CBFA2T3: variants seen among roughly 807,000 people sequenced by gnomAD.
CBFA2T3 encodes the protein CBFA2/RUNX1 partner transcriptional co-repressor 3.
In CBFA2T3, 31 loss-of-function variants were observed where a neutral mutation model predicts 58.6. That is an observed-to-expected ratio of 0.53 (90% confidence interval 0.40 to 0.71). The LOEUF (loss-of-function observed/expected upper bound fraction) is 0.71. Among genes scored for constraint, CBFA2T3 ranks in the 30% least tolerant of loss-of-function variants. The pLI, the probability that CBFA2T3 is intolerant of heterozygous loss-of-function variation, is 0.00. For synonymous variants in CBFA2T3, 531 were observed against 421.9 expected (o/e 1.26, Z -3.17); for missense variants, 1,076 against 963.1 (o/e 1.12, Z -1.55).
At chr16:88,913,998 C>T (rs552335046) in intron 1 of CBFA2T3, among the ~76,000 whole-genome samples, 1 of 152,286 alleles carries the variant, frequency 6.6e-6, no homozygotes, top group East Asian at 1.9e-4. Context: ...CACAGCTGCA[C>T]CGGCCACTTC....
At chr16:88,951,694 A>G (rs920832474) in intron 1 of CBFA2T3, among the ~76,000 whole-genome samples, 3 of 152,028 alleles carry the variant, frequency 2.0e-5, no homozygotes, top group South Asian at 2.1e-4. Flanking sequence ...CGATTGGTCC[A>G]GGAGGAGGGC....
At chr16:88,899,201 G>A (rs1172113552) in intron 2 of CBFA2T3, among the ~76,000 whole-genome samples, 2 of 152,066 alleles carry the variant, frequency 1.3e-5, no homozygotes, top group African/African-American at 2.4e-5. Context: ...TGGCTCAGAG[G>A]CCAGTCCCCG....
chr16:88,944,476 C>G, intron 1 of CBFA2T3, among the ~76,000 whole-genome samples: 1 of 152,284 alleles, frequency 6.6e-6, no homozygotes, highest in African/African-American at 2.4e-5. Flanking sequence ...GTGCCTGGCT[C>G]TAGGGCCCGC....
In CBFA2T3 at chr16:88,903,100, C is replaced by T. The variant is rs528346908; in HGVS notation, c.152-1444G>A. ...GGCGCTGCCCCTGCTTCTGCCCGTT[C>T]CCCATTCCCGGGGCCCCAGCACCAT... is the stretch of plus-strand genomic sequence containing the variant. On this transcript the variant is annotated intron_variant, in intron 1 of 11. Transcript: ENST00000268679. Among the ~76,000 whole-genome samples, 43 of 152,320 alleles carry T rather than the reference C, an allele frequency of 2.8e-4. No homozygotes were observed. In the South Asian group the frequency reaches 7.2e-3, roughly 26 times the overall value.
chr16:88,908,559 C>T (rs191136225), intron 1 of CBFA2T3, among the ~76,000 whole-genome samples: 1 of 152,274 alleles, frequency 6.6e-6, no homozygotes, highest in East Asian at 1.9e-4. Context: ...CTTCCCCGTC[C>T]GTGGGGGCAC....
intron 1 of CBFA2T3, among the ~76,000 whole-genome samples, chr16:88,952,434 A>G (rs1488448513): frequency 6.6e-6 from 1 of 151,278 alleles, no homozygotes; most frequent in Non-Finnish European, 1.5e-5. Flanking sequence ...GGCTTTCAGC[A>G]GGACAAATGC....
In CBFA2T3 at chr16:88,885,562, A is replaced by G. The variant is rs1170177652; in HGVS notation, c.894-293T>C. On this transcript the variant is annotated intron_variant, in intron 6 of 11. Coordinates refer to ENST00000268679, the MANE Select transcript of CBFA2T3 (RefSeq NM_005187.6). The surrounding 1 kb of genome is among the most constrained non-coding windows in gnomAD (Gnocchi z 5.3). ...GCTCTGGGAACGAGGAGAGGGATAC[A>G]CCAGGCTTCCGTAACTGGAGACCAC... is the stretch of plus-strand genomic sequence containing the variant. 2.0e-5 allele frequency among the ~76,000 whole-genome samples: 3 copies of G among 152,112 alleles called. No homozygotes were observed. Among genetic ancestry groups the G allele is most frequent in the Non-Finnish European group, 4.4e-5 (3 of 68,002 alleles).
intron 1 of CBFA2T3, among the ~76,000 whole-genome samples, chr16:88,975,738 C>A (rs966209324): frequency 5.9e-5 from 9 of 152,256 alleles, no homozygotes; most frequent in Non-Finnish European, 1.2e-4. Flanking sequence ...GGCCCTGGGG[C>A]CCCACGGGCA....
intron 1 of CBFA2T3, among the ~76,000 whole-genome samples, chr16:88,903,306 T>C (rs892973478): frequency 1.8e-4 from 28 of 152,154 alleles, no homozygotes; most frequent in African/African-American, 6.0e-4. Context: ...CTGCCCAACA[T>C]CTCAGGGCAG....
chr16:88,975,120 G>GACCCTCTGCTCCTGACCTCCA (rs1567643739), intron 1 of CBFA2T3, among the ~76,000 whole-genome samples: 19 of 108,080 alleles, frequency 1.8e-4, no homozygotes, highest in Admixed American at 1.0e-3. Context: ...AGGCCACCCT[G>GACCCTCTGCTCCTGACCTCCA]GCCCTCTGCT....
intron 3 of CBFA2T3, among the ~76,000 whole-genome samples, chr16:88,894,201 AATGT>A (rs1969771636): frequency 6.8e-6 from 1 of 147,140 alleles, no homozygotes; most frequent in African/African-American, 2.6e-5. Context: ...ACATGCACAC[AATGT>A]ACACACATGC....
At chr16:88,929,378 C>T (rs1474579772) in intron 1 of CBFA2T3, among the ~76,000 whole-genome samples, 2 of 152,214 alleles carry the variant, frequency 1.3e-5, no homozygotes, top group Non-Finnish European at 2.9e-5. Flanking sequence ...GACAGCAAGG[C>T]CAAGCCCCCT....
intron 1 of CBFA2T3, among the ~76,000 whole-genome samples, chr16:88,917,802 A>T (rs932067692): frequency 1.3e-5 from 2 of 152,072 alleles, no homozygotes; most frequent in African/African-American, 4.8e-5. Flanking sequence ...TATGACACAC[A>T]CATGCAGACG....
chr16:88,910,386 G>A (rs1031538912), intron 1 of CBFA2T3, among the ~76,000 whole-genome samples: 21 of 152,166 alleles, frequency 1.4e-4, no homozygotes, highest in African/African-American at 4.1e-4. Context: ...GATGCTCCCC[G>A]TGAGCTCCAG....
rs1465762415 is a variant in CBFA2T3 at position 88,915,717 on chromosome 16, GAGGGGGAGCGTGGA to G, written c.152-14075_152-14062del. Among the ~76,000 whole-genome samples the G allele has an allele frequency of 2.9e-4, 32 of 110,906 alleles. No individual in the cohort carries two copies. The South Asian group carries it at 0.011, about 38-fold the overall frequency. 72.8% of individuals were successfully genotyped at this position (110,906 alleles called of 152,430 possible). A position where few individuals can be genotyped will look rare whatever the true frequency, so the allele number is the denominator to read the frequency against. On this transcript the variant is annotated intron_variant, in intron 1 of 11. Transcript: ENST00000268679. Reference sequence around the variant, plus strand: ...GGGGAGCGTGGACGGGGGGAGCGTGGAGGGGGAGCGTGGAAGGGGGAGCGTGGGGGGGGAGTGTT... The same window carrying G: ...GGGGAGCGTGGACGGGGGGAGCGTGGAGGGGGAGCGTGGGGGGGGAGTGTT...
chr16:88,936,452 C>T (rs1339236551), intron 1 of CBFA2T3, among the ~76,000 whole-genome samples: 5 of 151,742 alleles, frequency 3.3e-5, no homozygotes, highest in South Asian at 2.1e-4. Flanking sequence ...GTATCCACCA[C>T]GACCCCAGCC....
At chr16:88,919,664 C>T (rs1404770482) in intron 1 of CBFA2T3, among the ~76,000 whole-genome samples, 4 of 152,202 alleles carry the variant, frequency 2.6e-5, no homozygotes, top group Non-Finnish European at 4.4e-5. Context: ...AGCCTCTCCG[C>T]GGAGTCCCCG....
In CBFA2T3 at chr16:88,912,047, G is replaced by A. The variant is rs562048396; in HGVS notation, c.152-10391C>T. On this transcript the variant is annotated intron_variant, in intron 1 of 11. Coordinates refer to ENST00000268679, the MANE Select transcript of CBFA2T3 (RefSeq NM_005187.6). ...TCTGTCACAGAAGTGCTGCTGAACC[G>A]TAGCAGACGAAAATCTCACAAACTC... 1.1e-4 allele frequency among the ~76,000 whole-genome samples: 16 copies of A among 152,370 alleles called. No individual in the cohort carries two copies. In the South Asian group the frequency reaches 3.3e-3, roughly 32 times the overall value.
At chr16:88,935,580 C>A (rs892525049) in intron 1 of CBFA2T3, among the ~76,000 whole-genome samples, 2 of 152,220 alleles carry the variant, frequency 1.3e-5, no homozygotes, top group African/African-American at 4.8e-5. Flanking sequence ...GCTGTCCTCG[C>A]GTGGGTGGAG....
Sources: gnomAD v4.1 joint callset for allele counts (sites outside exome capture counted in the v4.1 genomes callset) on GRCh38, gnomAD v4.1.1 for gene constraint, Gnocchi (gnomAD v3.1) non-coding constraint, MANE v1.5 for transcripts, NCBI Gene and HGNC (gene_info 2026-07-23, HGNC 2026-07-21) for gene names.